Variants in CD164 observed in about 807,000 individuals in gnomAD.
The protein encoded by CD164 is sialomucin core protein 24.
In CD164, 11 loss-of-function variants were observed where a neutral mutation model predicts 24.6. That is an observed-to-expected ratio of 0.45 (90% CI 0.28 to 0.74). CD164 has a LOEUF of 0.74. CD164 is among the 30% of genes least tolerant of loss of function. The pLI is 0.13. For synonymous variants in CD164, 126 were observed against 100.3 expected (o/e 1.26, Z -1.53); for missense variants, 295 against 243.7 (o/e 1.21, Z -1.40).
intron 2 of CD164, among the ~76,000 whole-genome samples, 200 bp from the exon 3 acceptor site, chr6:109,378,171 C>T (rs867957005): frequency 6.6e-6 from 1 of 152,144 alleles, no homozygotes; most frequent in African/African-American, 2.4e-5. Context: ...TTAGAGATTA[C>T]GCAGGATCCT....
intron 4 of CD164, among the ~76,000 whole-genome samples, chr6:109,375,617 CAAA>C (rs58138405): frequency 0.19 from 13,787 of 71,444 alleles, 1,996 homozygotes; most frequent in African/African-American, 0.43. Flanking sequence ...ACTTCGCTTC[CAAA>C]AAAAAAAAAA....
intron 4 of CD164, among the ~76,000 whole-genome samples, chr6:109,375,611 C>T (rs1448011918): frequency 3.0e-5 from 3 of 99,446 alleles, no homozygotes; most frequent in African/African-American, 5.0e-5. Context: ...AGCAAGACTT[C>T]GCTTCCAAAA....
At chr6:109,378,022 A>G in intron 2 of CD164, 51 bp from the exon 3 acceptor site, 1 of 1,443,122 alleles carries the variant, frequency 6.9e-7, no homozygotes, top group Non-Finnish European at 9.7e-7. Flanking sequence ...ACCCATTTGT[A>G]TTATCTTTGA....
chr6:109,376,171 T>A, intron 3 of CD164, 59 bp from the exon 4 acceptor site: 1 of 1,215,156 alleles, frequency 8.2e-7, no homozygotes, highest in Non-Finnish European at 1.1e-6. Flanking sequence ...AATATCACAA[T>A]CTATAACGCT....
At position 109,367,720 on chromosome 6, in the gene CD164, C is replaced by CTTA. The variant is rs1770844453; in HGVS notation, c.*1128_*1130dup. 1 of 152,550 alleles carries CTTA rather than the reference C, an allele frequency of 6.6e-6. No individual in the cohort carries two copies. The highest frequency in any genetic ancestry group is 6.6e-5 in the Admixed American group (1 of 15,262). The allele number at this position is 152,550 out of a possible 1,614,324, so 9.4% of individuals were successfully genotyped here. On this transcript the variant is annotated 3_prime_UTR_variant, in exon 6 of 6. Transcript: ENST00000310786. Reference sequence around the variant, plus strand: ...AAATTACATTGGTCACTTCTGTTATCTTAAAACTTAAAATGATTGTCTCAT... The same window carrying CTTA: ...AAATTACATTGGTCACTTCTGTTATCTTATTAAAACTTAAAATGATTGTCTCAT...
At position 109,374,110 on chromosome 6, in the gene CD164, C is replaced by T. The variant is rs148196650; in HGVS notation, c.370+1964G>A. Reference sequence around the variant, plus strand: ...CCCTACCCCCATCCCTATTTCCTCCCGTCTTCTTCCTAGCCCTTAGACATT... The same window carrying T: ...CCCTACCCCCATCCCTATTTCCTCCTGTCTTCTTCCTAGCCCTTAGACATT... On this transcript the variant is annotated intron_variant, in intron 4 of 5. Coordinates refer to ENST00000310786, the MANE Select transcript of CD164 (RefSeq NM_006016.6). 6.6e-4 allele frequency among the ~76,000 whole-genome samples: 100 copies of T among 152,276 alleles called. 1 individual carries two copies. The East Asian group carries it at 0.014, about 21-fold the overall frequency.
In CD164 at chr6:109,367,843, T is replaced by C. The variant is rs1250961238; in HGVS notation, c.*1008A>G. On this transcript the variant is annotated 3_prime_UTR_variant, in exon 6 of 6. Coordinates refer to ENST00000310786, the MANE Select transcript of CD164 (RefSeq NM_006016.6). The stretch of plus-strand genomic sequence containing the variant: ...CTTCTTGCCTCACCAAAGAAGTCAC[T>C]ACTCAAGACAGTCTGGTGGAAATCC... The C allele has an allele frequency of 1.3e-5, 2 of 153,122 alleles. No homozygotes were observed. Among genetic ancestry groups the C allele is most frequent in the Non-Finnish European group, 2.9e-5 (2 of 68,364 alleles). The allele number at this position is 153,122 out of a possible 1,614,324, so 9.5% of individuals were successfully genotyped here. A position where few individuals can be genotyped will look rare whatever the true frequency, so the allele number is the denominator to read the frequency against.
chr6:109,379,259 CTA>C (rs1771597752), intron 2 of CD164, among the ~76,000 whole-genome samples: 1 of 152,102 alleles, frequency 6.6e-6, no homozygotes, highest in East Asian at 1.9e-4. Flanking sequence ...GTAGTCTTGG[CTA>C]CTAGGGAGGC....
Position 109,382,210 on chromosome 6 carries a change from C to G in CD164, c.169G>C (p.Ala57Pro). The change falls in exon 1 of 6, where the codon GCA becomes CCA. Residue 57 changes from alanine to proline, a missense_variant. By Grantham distance (27) the Ala-to-Pro change is conservative. Transcript: ENST00000310786. ...CCACAGGGCCCGCGCCCACCTGGTG[C>G]CGGAGTGGTGACCAGCGGGAGGGAC... Reference protein sequence around the residue: ...VTSLPLVTTPAPETCEGRNSC... With the variant: ...VTSLPLVTTPPPETCEGRNSC... The G allele has an allele frequency of 1.9e-6, 3 of 1,560,492 alleles. No individual in the cohort carries two copies. Among genetic ancestry groups the G allele is most frequent in the Non-Finnish European group, 2.6e-6 (3 of 1,159,312 alleles).
At position 109,377,981 on chromosome 6, in the gene CD164, G is replaced by C. The variant is rs767293168; in HGVS notation, c.260-10C>G. The C allele has an allele frequency of 1.2e-6, 2 of 1,610,562 alleles. No individual in the cohort carries two copies. Among genetic ancestry groups the C allele is most frequent in the South Asian group, 2.2e-5 (2 of 91,004 alleles). On this transcript the variant is annotated splice_polypyrimidine_tract_variant and intron_variant, in intron 2 of 5. Transcript: ENST00000310786. Reference sequence around the variant, plus strand: ...GAACAATAGCTCTCATCTGTTGGGGGGCAGGGGAAAAGAGACAAACAGCAT... The same window carrying C: ...GAACAATAGCTCTCATCTGTTGGGGCGCAGGGGAAAAGAGACAAACAGCAT...
rs931343298 is a variant in CD164 at position 109,371,255 on chromosome 6, CTT to C, written c.371-790_371-789del. 1,361 of 146,480 alleles carry C rather than the reference CTT, an allele frequency of 9.3e-3. 24 individuals are homozygous for C. Among genetic ancestry groups the C allele is most frequent in the African/African-American group, 0.032 (1,284 of 40,202 alleles). The allele number at this position is 146,480 out of a possible 1,614,324, so 9.1% of individuals were successfully genotyped here. A position where few individuals can be genotyped will look rare whatever the true frequency, so the allele number is the denominator to read the frequency against. ...AAATCATTTTAGGGACTAAAGCACT[CTT>C]TTTTTTTTTTTGAGATGGAGTCTCG... On this transcript the variant is annotated intron_variant, in intron 4 of 5. Coordinates refer to ENST00000310786, the MANE Select transcript of CD164 (RefSeq NM_006016.6).
intron 1 of CD164, among the ~76,000 whole-genome samples, chr6:109,380,826 G>C (rs1771695332): frequency 6.6e-6 from 1 of 152,148 alleles, no homozygotes; most frequent in African/African-American, 2.4e-5. Context: ...AATTCTGAAA[G>C]GAAACTGTCA....
In CD164 at chr6:109,368,719, C is replaced by G; in HGVS notation, c.*132G>C. The G allele has an allele frequency of 7.0e-7, 1 of 1,427,604 alleles. No homozygotes were observed. The highest frequency in any genetic ancestry group is 9.1e-7 in the Non-Finnish European group (1 of 1,095,346). The allele number at this position is 1,427,604 out of a possible 1,614,324, so 88.4% of individuals were successfully genotyped here. On this transcript the variant is annotated 3_prime_UTR_variant, in exon 6 of 6. Transcript: ENST00000310786. Reference sequence around the variant, plus strand: ...CTTCACGGATGATGCTCCCAAACATCCTATATGCATCCATGGAAATTTAAA... The same window carrying G: ...CTTCACGGATGATGCTCCCAAACATGCTATATGCATCCATGGAAATTTAAA...
At position 109,376,043 on chromosome 6, in the gene CD164, G is replaced by T. The variant is rs1582481439; in HGVS notation, c.370+31C>A. On this transcript the variant is annotated intron_variant, in intron 4 of 5. Transcript: ENST00000310786. The stretch of plus-strand genomic sequence containing the variant: ...TCAAGAAAGCTTAAAAATACTGAAG[G>T]AAAAGGAAGAAAACAGTCATCTTGA... The T allele has an allele frequency of 3.9e-6, 6 of 1,524,672 alleles. No homozygotes were observed. In the East Asian group the frequency reaches 1.4e-4, roughly 36 times the overall value. The allele number at this position is 1,524,672 out of a possible 1,614,324, so 94.4% of individuals were successfully genotyped here.
chr6:109,370,370 A>G (rs1211396712), intron 5 of CD164, 41 bp downstream of exon 5: 1 of 1,484,466 alleles, frequency 6.7e-7, no homozygotes, highest in Non-Finnish European at 9.4e-7. Context: ...AACATCGTGC[A>G]CACATCCTGC....
At chr6:109,369,631 ATAATC>A (rs1770970744) in intron 5 of CD164, among the ~76,000 whole-genome samples, 2 of 152,252 alleles carry the variant, frequency 1.3e-5, no homozygotes, top group African/African-American at 4.8e-5. Flanking sequence ...TCCATTTAAA[ATAATC>A]TAAGAAAAAA....
Position 109,382,370 on chromosome 6 carries a change from C to G in CD164, c.9G>C (p.Arg3=). Residue 3 remains arginine (R), a synonymous_variant, in exon 1 of 6, where the codon CGG becomes CGC. Coordinates refer to ENST00000310786, the MANE Select transcript of CD164 (RefSeq NM_006016.6). ...CGGCCCAAAGCAGTGAGCGGGAGAG[C>G]CGCGACATCGTGTCCTCAGCGCTGG... MS[R]LSRSLLWAAT... 6.5e-7 allele frequency: 1 copy of G among 1,542,102 alleles called. No individual in the cohort carries two copies. Among genetic ancestry groups the G allele is most frequent in the East Asian group, 2.4e-5 (1 of 40,898 alleles).
At chr6:109,377,291 A>G (rs946280250) in intron 3 of CD164, among the ~76,000 whole-genome samples, 4 of 152,232 alleles carry the variant, frequency 2.6e-5, no homozygotes, top group Non-Finnish European at 4.4e-5. Flanking sequence ...AAGGTTAGAC[A>G]CACTGCACAA....
intron 4 of CD164, among the ~76,000 whole-genome samples, chr6:109,373,759 G>A (rs1006393250): frequency 6.6e-6 from 1 of 152,176 alleles, no homozygotes; most frequent in Non-Finnish European, 1.5e-5. Context: ...CTTCTAATGA[G>A]TGTTAAATAT....
Sources: allele counts gnomAD v4.1 joint callset (sites outside exome capture counted in the v4.1 genomes callset), GRCh38; gene constraint gnomAD v4.1.1; transcripts MANE v1.5; gene names NCBI Gene and HGNC (gene_info 2026-07-23, HGNC 2026-07-21).